The following KIF16B variants were observed in gnomAD, a reference collection of about 807,000 sequenced individuals.
KIF16B encodes kinesin-like protein KIF16B.
A neutral mutation model predicts 156.3 loss-of-function variants in KIF16B; 98 were observed. The observed-to-expected ratio is 0.63, with a 90% CI of 0.53 to 0.74. KIF16B has a LOEUF of 0.74. Among genes scored for constraint, KIF16B ranks in the 30% least tolerant of loss-of-function variants. KIF16B has a pLI of 0.00. For missense variants in KIF16B, 1,421 were observed against 1,606.5 expected (o/e 0.88, Z 1.97); for synonymous variants, 564 against 583.7 (o/e 0.97, Z 0.49).
intron 1 of KIF16B, among the ~76,000 whole-genome samples, chr20:16,533,275 A>T (rs6080291): frequency 0.088 from 13,322 of 152,036 alleles, 766 homozygotes; most frequent in Non-Finnish European, 0.12. Context: ...CCCTGCTCTG[A>T]CTCTTAATAC....
At chr20:16,347,165 C>T (rs552747299) in intron 23 of KIF16B, among the ~76,000 whole-genome samples, 2 of 152,296 alleles carry the variant, frequency 1.3e-5, no homozygotes, top group Admixed American at 6.5e-5. Flanking sequence ...CAGATGGTGA[C>T]TCCTGGCACT....
intron 1 of KIF16B, among the ~76,000 whole-genome samples, chr20:16,544,338 T>C (rs988616175): frequency 2.6e-5 from 4 of 152,104 alleles, no homozygotes; most frequent in Admixed American, 2.0e-4. Flanking sequence ...AGCCGGGCAC[T>C]GTGGCTCACG....
intron 15 of KIF16B, among the ~76,000 whole-genome samples, chr20:16,414,194 G>A (rs918252247): frequency 1.3e-5 from 2 of 152,006 alleles, no homozygotes; most frequent in African/African-American, 4.8e-5. Context: ...ATGGCTTTAG[G>A]AAGCTAGATA....
At position 16,526,164 on chromosome 20, in the gene KIF16B, G is replaced by A. The variant is rs2069535745; in HGVS notation, c.159C>T (p.Thr53=). ...GGTGDSGRER[T]KTFTYDFSFY... ...AAGAAAAGTCATAGGTGAAGGTCTT[G>A]GTCCGTTCTCTTCCTGAGTCCCCAG... The change falls in exon 3 of 26, where the codon ACC becomes ACT. Residue 53 remains threonine (T), a synonymous_variant. Coordinates refer to ENST00000354981, the MANE Select transcript of KIF16B (RefSeq NM_024704.5). The A allele has an allele frequency of 2.5e-6, 4 of 1,607,644 alleles. No individual in the cohort carries two copies. The East Asian group carries it at 8.9e-5, about 36-fold the overall frequency.
At position 16,515,605 on chromosome 20, in the gene KIF16B, A is replaced by G. The variant is rs200385794; in HGVS notation, c.291T>C (p.Cys97=). 3 of 1,613,658 alleles carry G rather than the reference A, an allele frequency of 1.9e-6. No homozygotes were observed. Among genetic ancestry groups the G allele is most frequent in the Non-Finnish European group, 2.5e-6 (3 of 1,179,762 alleles). Residue 97 remains cysteine (C), a synonymous_variant, in exon 4 of 26, where the codon TGT becomes TGC. Transcript: ENST00000354981. ...ATCCAGTTTGCCCATATGCAAAGAC[A>G]CAAGCATTATAACCTTCAAATGCAG... ...VKSAFEGYNA[C]VFAYGQTGSG... is the part of the protein sequence containing the mutation.
intron 23 of KIF16B, among the ~76,000 whole-genome samples, chr20:16,339,554 C>A (rs2064104226): frequency 6.6e-6 from 1 of 152,170 alleles, no homozygotes; most frequent in South Asian, 2.1e-4. Context: ...ATCCGACTGG[C>A]TACTTGACAA....
At chr20:16,323,536 C>A (rs2063801137) in intron 24 of KIF16B, among the ~76,000 whole-genome samples, 1 of 151,944 alleles carries the variant, frequency 6.6e-6, no homozygotes, top group African/African-American at 2.4e-5. Context: ...CAATTCTCTT[C>A]CAAGTTTGAT....
intron 6 of KIF16B, among the ~76,000 whole-genome samples, chr20:16,510,742 C>T (rs1424630066): frequency 6.6e-6 from 1 of 152,170 alleles, no homozygotes; most frequent in Non-Finnish European, 1.5e-5. Flanking sequence ...GAACTTTAAA[C>T]CTGTGACCAG....
chr20:16,385,709 G>A (rs1395849058), intron 17 of KIF16B, among the ~76,000 whole-genome samples: 1 of 152,174 alleles, frequency 6.6e-6, no homozygotes, highest in East Asian at 1.9e-4. Context: ...GGGGCCTGGG[G>A]AGTGGCAGCT....
intron 1 of KIF16B, among the ~76,000 whole-genome samples, chr20:16,530,549 C>T (rs2069710228): frequency 6.6e-6 from 1 of 152,164 alleles, no homozygotes; most frequent in South Asian, 2.1e-4. Flanking sequence ...CCCAAGCCCG[C>T]ACCGGGACAT....
chr20:16,571,340 T>C (rs771255859), intron 1 of KIF16B, among the ~76,000 whole-genome samples: 9 of 152,174 alleles, frequency 5.9e-5, no homozygotes, highest in Non-Finnish European at 5.9e-5. Flanking sequence ...ACCTCAATCT[T>C]GACACCACCA....
chr20:16,308,170 T>C (rs1271076061), intron 25 of KIF16B, among the ~76,000 whole-genome samples: 2 of 152,218 alleles, frequency 1.3e-5, no homozygotes, highest in African/African-American at 4.8e-5. Flanking sequence ...AAGTGAATAT[T>C]TGAAGTCAAC....
intron 25 of KIF16B, among the ~76,000 whole-genome samples, chr20:16,301,120 G>C (rs2063465644): frequency 2.0e-5 from 3 of 152,090 alleles, no homozygotes; most frequent in Non-Finnish European, 4.4e-5. Context: ...CTTCTACTTA[G>C]TAATATGCAT....
chr20:16,304,732 T>C (rs772327600), intron 25 of KIF16B, among the ~76,000 whole-genome samples: 1 of 152,216 alleles, frequency 6.6e-6, no homozygotes, highest in Non-Finnish European at 1.5e-5. Context: ...ATCTTTCCAA[T>C]AGGTAAATGA....
chr20:16,571,953 A>G (rs2071472055), intron 1 of KIF16B, among the ~76,000 whole-genome samples: 1 of 152,214 alleles, frequency 6.6e-6, no homozygotes, highest in Non-Finnish European at 1.5e-5. Flanking sequence ...GTTACACAAT[A>G]CAATTTTCTA....
At chr20:16,478,237 A>T (rs1031860640) in intron 12 of KIF16B, among the ~76,000 whole-genome samples, 1 of 152,202 alleles carries the variant, frequency 6.6e-6, no homozygotes, top group Admixed American at 6.5e-5. Flanking sequence ...CCTTCAGGAA[A>T]TTCAAAATAG....
At chr20:16,391,471 G>A (rs76320399) in intron 17 of KIF16B, among the ~76,000 whole-genome samples, 1 of 152,198 alleles carries the variant, frequency 6.6e-6, no homozygotes, top group Non-Finnish European at 1.5e-5. Context: ...CCAGTGTGGG[G>A]TTGAGCTAAC....
chr20:16,473,523 C>A (rs373601176), intron 12 of KIF16B, among the ~76,000 whole-genome samples: 1 of 152,096 alleles, frequency 6.6e-6, no homozygotes, highest in Non-Finnish European at 1.5e-5. Context: ...TGGAAGAGAT[C>A]GCAGGGACTA....
chr20:16,381,248 T>G (rs1343487654), intron 18 of KIF16B, among the ~76,000 whole-genome samples: 1 of 152,040 alleles, frequency 6.6e-6, no homozygotes, highest in Non-Finnish European at 1.5e-5. Flanking sequence ...AAAAGCAAAT[T>G]ATACATGGGG....
Sources: gnomAD v4.1 joint callset for allele counts (sites outside exome capture counted in the v4.1 genomes callset) on GRCh38, gnomAD v4.1.1 for gene constraint, MANE v1.5 for transcripts, NCBI Gene and HGNC (gene_info 2026-07-23, HGNC 2026-07-21) for gene names.